LSAMP: variants seen among roughly 807,000 people sequenced by gnomAD.
LSAMP encodes limbic system associated membrane protein, also known as limbic system-associated membrane protein.
In LSAMP, 7 loss-of-function variants were observed where a neutral mutation model predicts 38.6. The observed-to-expected ratio is 0.18, with a 90% CI of 0.10 to 0.34. The LOEUF (loss-of-function observed/expected upper bound fraction) is 0.34, where lower values mean the gene tolerates loss of function less well. Among genes scored for constraint, LSAMP ranks in the 10% least tolerant of loss-of-function variants. LSAMP has a pLI of 1.00. For missense variants in LSAMP, 313 were observed against 420.0 expected, an observed-to-expected ratio of 0.75 and a Z score of 2.23; for synonymous variants, 154 against 166.8, an observed-to-expected ratio of 0.92 and a Z score of 0.59.
chr3:116,121,565 T>C (rs1441215622), intron 1 of LSAMP, among the ~76,000 whole-genome samples: 2 of 152,354 alleles, frequency 1.3e-5, no homozygotes, highest in Non-Finnish European at 2.9e-5. Context: ...TTTATCAATA[T>C]GCTCAGTTGG....
chr3:116,055,472 G>A (rs1941474287), intron 2 of LSAMP, among the ~76,000 whole-genome samples: 1 of 152,178 alleles, frequency 6.6e-6, no homozygotes, highest in South Asian at 2.1e-4. Flanking sequence ...TATTTAGAAT[G>A]ACGTAGGTAA....
chr3:116,177,400 C>A (rs1367072760), intron 1 of LSAMP, among the ~76,000 whole-genome samples: 1 of 151,958 alleles, frequency 6.6e-6, no homozygotes, highest in Non-Finnish European at 1.5e-5. Context: ...TAATACAGAG[C>A]ACATGAATAC....
intron 3 of LSAMP, among the ~76,000 whole-genome samples, chr3:116,010,181 T>A (rs1415938021): frequency 2.0e-5 from 3 of 152,220 alleles, no homozygotes; most frequent in Admixed American, 6.5e-5. Context: ...CCTCCCAAAG[T>A]GCTGGGATTA....
intron 1 of LSAMP, among the ~76,000 whole-genome samples, chr3:116,414,697 C>A (rs1324815035): frequency 6.6e-6 from 1 of 152,090 alleles, no homozygotes; most frequent in East Asian, 1.9e-4. Context: ...AACACTTTTT[C>A]TATTTGTCTC....
intron 2 of LSAMP, among the ~76,000 whole-genome samples, chr3:116,025,593 T>C (rs1406444962): frequency 2.0e-5 from 3 of 152,140 alleles, no homozygotes; most frequent in Non-Finnish European, 4.4e-5. Flanking sequence ...TATTGAATTC[T>C]TTGAATCATA....
At chr3:115,881,202 C>T (rs144386670) in intron 3 of LSAMP, among the ~76,000 whole-genome samples, 246 of 152,136 alleles carry the variant, frequency 1.6e-3, no homozygotes, top group African/African-American at 5.7e-3. Flanking sequence ...ATGCTGCTGC[C>T]GCTAAGGGTG....
At chr3:115,952,616 T>G (rs1938327728) in intron 3 of LSAMP, among the ~76,000 whole-genome samples, 1 of 152,126 alleles carries the variant, frequency 6.6e-6, no homozygotes, top group Non-Finnish European at 1.5e-5. Flanking sequence ...TTGGGTACAG[T>G]GTACACTGCT....
intron 4 of LSAMP, among the ~76,000 whole-genome samples, chr3:115,848,147 G>C (rs1401069054): frequency 6.6e-6 from 1 of 152,224 alleles, no homozygotes; most frequent in Admixed American, 6.5e-5. Flanking sequence ...AGCTAGAGAA[G>C]CTGGCCAGTC....
chr3:115,870,966 A>G (rs757761815), intron 3 of LSAMP, among the ~76,000 whole-genome samples: 10 of 152,108 alleles, frequency 6.6e-5, no homozygotes, highest in Non-Finnish European at 8.8e-5. Context: ...TTCGCTTCCC[A>G]CAGAAGAGAA....
intron 2 of LSAMP, among the ~76,000 whole-genome samples, chr3:116,047,658 C>A (rs1246539426): frequency 3.3e-5 from 5 of 152,164 alleles, no homozygotes; most frequent in Non-Finnish European, 7.3e-5. Context: ...TCAGTGAAAT[C>A]TTCCATATTC....
intron 1 of LSAMP, among the ~76,000 whole-genome samples, chr3:116,303,928 C>T (rs540914842): frequency 1.3e-5 from 2 of 152,278 alleles, no homozygotes; most frequent in East Asian, 1.9e-4. Flanking sequence ...ACTTAAATAA[C>T]GTGGCTGGTG....
chr3:116,040,838 G>A (rs549176983), intron 2 of LSAMP, among the ~76,000 whole-genome samples: 2 of 152,148 alleles, frequency 1.3e-5, no homozygotes, highest in South Asian at 4.2e-4. Flanking sequence ...TCAAATCTCT[G>A]GACTAAAGCA....
At chr3:116,192,685 A>G (rs1311703737) in intron 1 of LSAMP, among the ~76,000 whole-genome samples, 1 of 152,210 alleles carries the variant, frequency 6.6e-6, no homozygotes, top group Non-Finnish European at 1.5e-5. Context: ...AGATAGAAAA[A>G]TGGTCAAGTT....
intron 1 of LSAMP, among the ~76,000 whole-genome samples, chr3:116,288,390 C>T (rs767699310): frequency 1.8e-4 from 27 of 152,156 alleles, no homozygotes; most frequent in Non-Finnish European, 3.7e-4. Context: ...GGCAGAACTG[C>T]CATTTAGCCA....
intron 4 of LSAMP, among the ~76,000 whole-genome samples, chr3:115,849,501 A>T (rs1414849380): frequency 1.3e-5 from 2 of 151,828 alleles, no homozygotes; most frequent in African/African-American, 4.8e-5. Flanking sequence ...TTGTAGTGGT[A>T]CTCAGGGTCT....
chr3:115,949,411 T>C (rs1290006641), intron 3 of LSAMP, among the ~76,000 whole-genome samples: 1 of 148,552 alleles, frequency 6.7e-6, no homozygotes, highest in Non-Finnish European at 1.5e-5. Flanking sequence ...TATTTATTTA[T>C]TTAGATTTAT....
chr3:116,324,959 G>T (rs1204281321), intron 1 of LSAMP, among the ~76,000 whole-genome samples: 1 of 151,912 alleles, frequency 6.6e-6, no homozygotes, highest in Non-Finnish European at 1.5e-5. Flanking sequence ...TTTCACACTA[G>T]CAAAGTGTTG....
At chr3:116,179,417 G>T (rs370943246) in intron 1 of LSAMP, among the ~76,000 whole-genome samples, 2 of 152,156 alleles carry the variant, frequency 1.3e-5, no homozygotes, top group East Asian at 1.9e-4. Flanking sequence ...GAAGTGGTTA[G>T]AGAGGGAATA....
chr3:116,308,099 G>A (rs931674002), intron 1 of LSAMP, among the ~76,000 whole-genome samples: 13 of 151,900 alleles, frequency 8.6e-5, no homozygotes, highest in African/African-American at 2.4e-4. Flanking sequence ...ACTTGCTCAC[G>A]CTGTTTCTTC....
Sources: allele counts gnomAD v4.1 joint callset (sites outside exome capture counted in the v4.1 genomes callset), GRCh38; gene constraint gnomAD v4.1.1; transcripts MANE v1.5; gene names NCBI Gene and HGNC (gene_info 2026-07-23, HGNC 2026-07-21).